Variants in CD302 observed in about 807,000 individuals in gnomAD.
CD302 encodes the protein CD302 antigen.
In CD302, 23 loss-of-function variants were observed where a neutral mutation model predicts 26.5. The observed-to-expected ratio is 0.87, with a 90% CI of 0.62 to 1.23. The LOEUF (loss-of-function observed/expected upper bound fraction) is 1.23, where lower values mean the gene tolerates loss of function less well. Among genes scored for constraint, CD302 ranks in the 50% most tolerant of loss-of-function variants. CD302 has a pLI of 0.00. For missense variants in CD302, 290 were observed against 275.5 expected (o/e 1.05, Z -0.37); for synonymous variants, 90 against 99.4 (o/e 0.91, Z 0.56).
At chr2:159,784,965 G>C (rs1002722508) in intron 1 of CD302, among the ~76,000 whole-genome samples, 2 of 136,804 alleles carry the variant, frequency 1.5e-5, no homozygotes, top group Admixed American at 8.3e-5. Flanking sequence ...CCCTGTATCC[G>C]TACAGACTTT....
At chr2:159,775,858 C>A (rs1257523071) in intron 5 of CD302, among the ~76,000 whole-genome samples, 2 of 151,342 alleles carry the variant, frequency 1.3e-5, no homozygotes, top group Non-Finnish European at 2.9e-5. Context: ...AAGAATTATA[C>A]AGAATTTGGC....
chr2:159,782,580 A>G (rs772756980), intron 2 of CD302, among the ~76,000 whole-genome samples: 9 of 151,936 alleles, frequency 5.9e-5, no homozygotes, highest in Non-Finnish European at 1.3e-4. Flanking sequence ...AAACAAACAG[A>G]TAAAATAGCT....
intron 2 of CD302, among the ~76,000 whole-genome samples, 186 bp from the exon 3 acceptor site, chr2:159,781,184 A>G (rs1708494883): frequency 6.6e-6 from 1 of 152,214 alleles, no homozygotes; most frequent in Admixed American, 6.5e-5. Context: ...TCAGCCTCTA[A>G]TATGATTTAT....
intron 1 of CD302, among the ~76,000 whole-genome samples, chr2:159,793,898 A>C (rs140986398): frequency 1.3e-5 from 2 of 152,202 alleles, no homozygotes; most frequent in East Asian, 3.9e-4. Flanking sequence ...TGCCATTGTT[A>C]ATCTGTACCT....
Position 159,771,855 on chromosome 2 carries a change from T to G in CD302, c.695A>C (p.Asp232Ala), listed in dbSNP as rs1708155126. ...TAGTGCAAGATTACCAAAAACTTAGTCAAATTGAACAGGATATTCATTTTC... is the reference window on the plus strand; with the variant it reads ...TAGTGCAAGATTACCAAAAACTTAGGCAAATTGAACAGGATATTCATTTTC... ...GEENEYPVQF[D>A] The change falls in exon 6 of 6, where the codon GAC (aspartate) becomes GCC (alanine). Residue 232 changes from aspartate (D) to alanine (A), a missense_variant. Asp to Ala is a moderately radical substitution (Grantham distance 126). Coordinates refer to ENST00000259053, the MANE Select transcript of CD302 (RefSeq NM_014880.5). 1.9e-6 allele frequency: 3 copies of G among 1,613,502 alleles called. No individual in the cohort carries two copies. In the African/African-American group the frequency reaches 4.0e-5, roughly 22 times the overall value.
chr2:159,781,069 ATAAT>A (rs1416179095), intron 2 of CD302, 71 bp from the exon 3 acceptor site: 4 of 1,230,846 alleles, frequency 3.2e-6, no homozygotes, highest in Non-Finnish European at 4.6e-6. Context: ...GTACATAAAA[ATAAT>A]AAATAGTTGC....
In CD302 at chr2:159,772,014, G is replaced by A. The variant is rs552428149; in HGVS notation, c.536C>T (p.Thr179Met). 2.4e-5 allele frequency: 39 copies of A among 1,613,788 alleles called. No homozygotes were observed. The highest frequency in any genetic ancestry group is 5.5e-5 in the South Asian group (5 of 91,076). The change falls in exon 6 of 6, where the codon ACG becomes ATG. Residue 179 changes from threonine (T) to methionine (M), a missense_variant. Coordinates refer to ENST00000259053, the MANE Select transcript of CD302 (RefSeq NM_014880.5). The part of the protein sequence containing the change: ...ILISALVIAS[T>M]VILTVLGAII... The stretch of plus-strand genomic sequence containing the variant: ...TGCTCCCAAAACTGTCAAAATTACC[G>A]TGCTAGCAATCACCAATGCTGATAT...
chr2:159,775,657 T>C, intron 5 of CD302, among the ~76,000 whole-genome samples: 1 of 152,200 alleles, frequency 6.6e-6, no homozygotes, highest in Non-Finnish European at 1.5e-5. Context: ...ATGTAACAAA[T>C]ACCATCTTAG....
chr2:159,772,664 A>G (rs2884205), intron 5 of CD302, among the ~76,000 whole-genome samples: 141,229 of 152,274 alleles, frequency 0.93, 65,623 homozygotes, highest in African/African-American at 0.96. Context: ...TTAGGAGAAC[A>G]AACATACTTT....
Position 159,793,422 on chromosome 2 carries a change from C to CT in CD302, c.67+4709dup, listed in dbSNP as rs558626377. On this transcript the variant is annotated intron_variant, in intron 1 of 5. Coordinates refer to ENST00000259053, the MANE Select transcript of CD302 (RefSeq NM_014880.5). The stretch of plus-strand genomic sequence containing the variant: ...GTTCCTTTATAAGTTCTCTGTCTCT[C>CT]TTTTTTTTAAAAAAAGAAAAAAAAA... Among the ~76,000 whole-genome samples, 127 of 150,874 alleles carry CT rather than the reference C, an allele frequency of 8.4e-4. No individual in the cohort carries two copies. The Middle Eastern group carries it at 0.045, about 53-fold the overall frequency.
At chr2:159,780,593 A>G (rs923236661) in intron 3 of CD302, among the ~76,000 whole-genome samples, 2 of 152,204 alleles carry the variant, frequency 1.3e-5, no homozygotes, top group Non-Finnish European at 2.9e-5. Flanking sequence ...TCCTTAGCCT[A>G]TTAGTTGCAG....
chr2:159,780,958 A>G lies in CD302; in HGVS notation c.219T>C (p.Ala73=). The change falls in exon 3 of 6, where the codon GCT becomes GCC. Residue 73 remains alanine, a synonymous_variant. Transcript: ENST00000259053. ...MISIHNEEEN[A]FILDTLKKQW... ...GCTTTTTCAAAGTATCCAGTATAAA[A>G]GCATTTTCTTCTTCATTATGTATGC... is the stretch of plus-strand genomic sequence containing the variant. The G allele has an allele frequency of 6.2e-7, 1 of 1,613,544 alleles. No homozygotes were observed. The highest frequency in any genetic ancestry group is 1.3e-5 in the African/African-American group (1 of 75,026).
intron 5 of CD302, among the ~76,000 whole-genome samples, chr2:159,775,891 C>CT (rs70997201): frequency 0.42 from 61,563 of 146,316 alleles, 12,828 homozygotes; most frequent in South Asian, 0.53. Context: ...GCTTATTTTT[C>CT]TTTTTTTTTT....
chr2:159,790,999 T>C (rs1708792058), intron 1 of CD302, among the ~76,000 whole-genome samples: 2 of 152,248 alleles, frequency 1.3e-5, no homozygotes, highest in Non-Finnish European at 2.9e-5. Context: ...GTAGTTCTTA[T>C]ACTTTATAAA....
At chr2:159,780,758 G>A (rs537719225) in intron 3 of CD302, 124 bp downstream of exon 3, 2 of 877,576 alleles carry the variant, frequency 2.3e-6, no homozygotes, top group Admixed American at 2.2e-5. Flanking sequence ...GGTGCACACT[G>A]AAAATTTAAC....
At chr2:159,781,865 T>C (rs1026780671) in intron 2 of CD302, among the ~76,000 whole-genome samples, 1 of 137,916 alleles carries the variant, frequency 7.3e-6, no homozygotes, top group African/African-American at 2.7e-5. Context: ...CTTTGGTGTT[T>C]ACATTTATTC....
At chr2:159,793,754 T>C (rs998274522) in intron 1 of CD302, among the ~76,000 whole-genome samples, 2 of 152,088 alleles carry the variant, frequency 1.3e-5, no homozygotes, top group Admixed American at 6.5e-5. Flanking sequence ...CCCAAATAAA[T>C]TGAGGCACTC....
chr2:159,795,989 C>T (rs1190257124), intron 1 of CD302, among the ~76,000 whole-genome samples: 6 of 152,178 alleles, frequency 3.9e-5, no homozygotes, highest in Non-Finnish European at 7.3e-5. Flanking sequence ...CTTTTTAAAG[C>T]GATGCCATGG....
intron 4 of CD302, 51 bp from the exon 5 acceptor site, chr2:159,778,015 G>C (rs1328332804): frequency 4.0e-6 from 3 of 743,174 alleles, no homozygotes; most frequent in African/African-American, 3.8e-5. Context: ...CTTTATTATA[G>C]GATTGACTTT....
Sources: allele counts gnomAD v4.1 joint callset (sites outside exome capture counted in the v4.1 genomes callset), GRCh38; gene constraint gnomAD v4.1.1; transcripts MANE v1.5; gene names NCBI Gene and HGNC (gene_info 2026-07-23, HGNC 2026-07-21).